The following CREB3L2 variants were observed in gnomAD, a reference collection of about 807,000 sequenced individuals.
CREB3L2 encodes the protein cAMP responsive element binding protein 3 like 2.
CREB3L2 carries 23 observed loss-of-function variants against 57.2 expected under a neutral mutation model. The ratio of observed to expected loss-of-function variants is 0.40; its 90% CI spans 0.29 to 0.57. The LOEUF (loss-of-function observed/expected upper bound fraction) is 0.57. Ranked by LOEUF, CREB3L2 falls within the 20% of genes least tolerant of loss-of-function variation. The pLI, the probability that CREB3L2 is intolerant of heterozygous loss-of-function variation, is 0.42. For synonymous variants in CREB3L2, 268 were observed against 265.1 expected (o/e 1.01, Z -0.11); for missense variants, 628 against 634.7 (o/e 0.99, Z 0.11).
chr7:137,885,664 C>T (rs958880686), intron 8 of CREB3L2, among the ~76,000 whole-genome samples, 162 bp from the exon 9 acceptor site: 2 of 152,222 alleles, frequency 1.3e-5, no homozygotes, highest in Non-Finnish European at 2.9e-5. Flanking sequence ...CCAGTACCTT[C>T]TAGCACCATT....
At chr7:137,965,973 G>A (rs1353620923) in intron 1 of CREB3L2, among the ~76,000 whole-genome samples, 1 of 152,182 alleles carries the variant, frequency 6.6e-6, no homozygotes, top group African/African-American at 2.4e-5. Context: ...TAGGTCTGCA[G>A]TGGGGCCCAA....
chr7:137,960,745 T>C lies in CREB3L2; in HGVS notation c.103-32379A>G, dbSNP rs555611552. On this transcript the variant is annotated intron_variant, in intron 1 of 11. Coordinates refer to ENST00000330387, the MANE Select transcript of CREB3L2 (RefSeq NM_194071.4). ...CTACAGAAGCACGTGTTTTATTTCATTTAAATTAACAAATAAACATAATCT... is the reference window on the plus strand; with the variant it reads ...CTACAGAAGCACGTGTTTTATTTCACTTAAATTAACAAATAAACATAATCT... 1.5e-3 allele frequency among the ~76,000 whole-genome samples: 235 copies of C among 151,966 alleles called. 4 individuals are homozygous for C. The highest frequency in any genetic ancestry group is 5.3e-3 in the African/African-American group (219 of 41,490).
At chr7:137,982,734 A>T (rs533541096) in intron 1 of CREB3L2, among the ~76,000 whole-genome samples, 1 of 152,304 alleles carries the variant, frequency 6.6e-6, no homozygotes, top group East Asian at 1.9e-4. Context: ...TGTCTTTATC[A>T]GCAGCATGAG....
chr7:137,895,649 A>AAAAAAAAAAAG (rs1799614244), intron 8 of CREB3L2, among the ~76,000 whole-genome samples: 1 of 151,726 alleles, frequency 6.6e-6, no homozygotes, highest in East Asian at 1.9e-4. Flanking sequence ...GTACAAAAAA[A>AAAAAAAAAAAG]AAAAGAAAGA....
At chr7:137,941,358 G>C (rs1235047696) in intron 1 of CREB3L2, among the ~76,000 whole-genome samples, 1 of 152,252 alleles carries the variant, frequency 6.6e-6, no homozygotes, top group Non-Finnish European at 1.5e-5. Context: ...GAACACGGAA[G>C]TGACTTCCCA....
At chr7:137,938,206 T>A (rs1260516764) in intron 1 of CREB3L2, among the ~76,000 whole-genome samples, 1 of 152,148 alleles carries the variant, frequency 6.6e-6, no homozygotes, top group Non-Finnish European at 1.5e-5. Context: ...GTATCTACCA[T>A]CATGTCTACC....
intron 2 of CREB3L2, among the ~76,000 whole-genome samples, chr7:137,918,782 TGATA>T (rs768086913): frequency 1.2e-4 from 18 of 151,808 alleles, no homozygotes; most frequent in South Asian, 2.1e-4. Flanking sequence ...TGAAGATGGG[TGATA>T]GATAGAATCA....
chr7:137,907,297 G>A (rs1047151045), intron 5 of CREB3L2, among the ~76,000 whole-genome samples: 5 of 152,222 alleles, frequency 3.3e-5, no homozygotes, highest in African/African-American at 7.2e-5. Context: ...GCAAGCATCC[G>A]ACATGGGGAA....
chr7:137,992,950 C>G (rs1274054552), intron 1 of CREB3L2, among the ~76,000 whole-genome samples: 1 of 152,148 alleles, frequency 6.6e-6, no homozygotes, highest in Non-Finnish European at 1.5e-5. Context: ...TGGCTGGTGA[C>G]CACGCACTTG....
chr7:137,911,707 G>A (rs1177436929), intron 4 of CREB3L2, among the ~76,000 whole-genome samples: 1 of 152,168 alleles, frequency 6.6e-6, no homozygotes, highest in Non-Finnish European at 1.5e-5. Flanking sequence ...GCGTGGTGGT[G>A]CATGTCTGCA....
At chr7:137,935,763 T>C (rs1428449600) in intron 1 of CREB3L2, 2 of 152,514 alleles carry the variant, frequency 1.3e-5, no homozygotes, top group African/African-American at 4.8e-5. Context: ...CCAACAGTTA[T>C]AAATAAGTGC....
At chr7:137,961,585 T>G (rs778680026) in intron 1 of CREB3L2, among the ~76,000 whole-genome samples, 1 of 152,132 alleles carries the variant, frequency 6.6e-6, no homozygotes, top group Non-Finnish European at 1.5e-5. Context: ...CCTCAACTCT[T>G]CCTGTCATTT....
At chr7:137,887,839 G>C (rs1478290483) in intron 8 of CREB3L2, among the ~76,000 whole-genome samples, 1 of 152,126 alleles carries the variant, frequency 6.6e-6, no homozygotes, top group Non-Finnish European at 1.5e-5. Flanking sequence ...TCTATTTAAT[G>C]TGAAGATCTT....
At position 137,913,068 on chromosome 7, in the gene CREB3L2, G is replaced by A. The variant is rs759347175; in HGVS notation, c.506C>T (p.Ser169Leu). The change falls in exon 4 of 12, where the codon TCG (serine) becomes TTG (leucine). Residue 169 changes from serine to leucine, a missense_variant. Around this residue, in one of 3 missense-constraint regions of CREB3L2, gnomAD observed 339 missense variants for 355.4 expected, o/e 0.95. Transcript: ENST00000330387. ...AATTTTAGGAATAATGGTCTGGCAC[G>A]AGGAATCAACCTGGAGGAAGAATTT... is the stretch of plus-strand genomic sequence containing the variant. ...PLEMNTGVDSSCQTIIPKIKL... is the reference protein window; with the variant it reads ...PLEMNTGVDSLCQTIIPKIKL... The A allele has an allele frequency of 1.2e-5, 19 of 1,613,120 alleles. No homozygotes were observed. Among genetic ancestry groups the A allele is most frequent in the Admixed American group, 1.7e-5 (1 of 59,844 alleles).
intron 2 of CREB3L2, among the ~76,000 whole-genome samples, chr7:137,927,852 A>C (rs1800510370): frequency 1.3e-5 from 2 of 151,916 alleles, no homozygotes; most frequent in South Asian, 2.1e-4. Context: ...AGGAATGACC[A>C]GCCAGATAGG....
At chr7:137,946,962 T>TTA (rs1180667284) in intron 1 of CREB3L2, among the ~76,000 whole-genome samples, 1 of 46,040 alleles carries the variant, frequency 2.2e-5, no homozygotes, top group African/African-American at 6.5e-5. Context: ...ATATATATAG[T>TTA]TATATATATA....
intron 1 of CREB3L2, among the ~76,000 whole-genome samples, chr7:137,968,995 G>A (rs954227885): frequency 6.6e-6 from 1 of 152,176 alleles, no homozygotes; most frequent in Non-Finnish European, 1.5e-5. Context: ...TCAGAGGAGA[G>A]AGAAGGAACG....
At chr7:137,919,162 A>G (rs1213400413) in intron 2 of CREB3L2, among the ~76,000 whole-genome samples, 1 of 150,960 alleles carries the variant, frequency 6.6e-6, no homozygotes, top group African/African-American at 2.4e-5. Context: ...AAGGCCATTG[A>G]GCTCAAAGAT....
At chr7:137,894,100 G>C (rs975962377) in intron 8 of CREB3L2, among the ~76,000 whole-genome samples, 5 of 152,186 alleles carry the variant, frequency 3.3e-5, no homozygotes, top group East Asian at 1.9e-4. Flanking sequence ...GGCTCTCACT[G>C]CTCTTTTATG....
Sources: allele counts gnomAD v4.1 joint callset (sites outside exome capture counted in the v4.1 genomes callset), GRCh38; gene constraint gnomAD v4.1.1; regional missense constraint gnomAD v4.1.1; transcripts MANE v1.5; gene names NCBI Gene and HGNC (gene_info 2026-07-23, HGNC 2026-07-21).